RNF126: variants seen among roughly 807,000 people sequenced by gnomAD.
The protein encoded by RNF126 is E3 ubiquitin-protein ligase RNF126.
A neutral mutation model predicts 41.9 loss-of-function variants in RNF126; 20 were observed. The ratio of observed to expected loss-of-function variants is 0.48; its 90% confidence interval spans 0.34 to 0.69. RNF126 has a LOEUF of 0.69. RNF126 is among the 30% of genes least tolerant of loss of function. The pLI, the probability that RNF126 is intolerant of heterozygous loss-of-function variation, is 0.01. For synonymous variants in RNF126, 239 were observed against 202.9 expected (o/e 1.18, Z -1.51); for missense variants, 433 against 460.6 (o/e 0.94, Z 0.55).
Position 651,718 on chromosome 19 carries a change from C to T in RNF126, c.336G>A (p.Arg112=), listed in dbSNP as rs753358594. The part of the protein sequence containing the change: ...ADDGRDPESR[R]ERDHPSRHRY... ...GGTGCCGGGACGGATGGTCTCTCTCCCGCCGGCTCTCAGGGTCCCTGCCGT... is the reference window on the plus strand; with the variant it reads ...GGTGCCGGGACGGATGGTCTCTCTCTCGCCGGCTCTCAGGGTCCCTGCCGT... Residue 112 remains arginine, a synonymous_variant, in exon 4 of 9, where the codon CGG becomes CGA. Coordinates refer to ENST00000292363, the MANE Select transcript of RNF126 (RefSeq NM_194460.3). The T allele has an allele frequency of 6.2e-7, 1 of 1,610,474 alleles. No homozygotes were observed. Among genetic ancestry groups the T allele is most frequent in the Non-Finnish European group, 8.5e-7 (1 of 1,178,926 alleles).
In RNF126 at chr19:660,391, G is replaced by A. The variant is rs542030351; in HGVS notation, c.75+2656C>T. ...TGCCTGGGAGAAGCCCTCGTGGGCA[G>A]GCACACAGCCCATGGCAGCCAGTCC... On this transcript the variant is annotated intron_variant, in intron 1 of 8. Transcript: ENST00000292363. 1.3e-4 allele frequency among the ~76,000 whole-genome samples: 20 copies of A among 152,370 alleles called. No homozygotes were observed. The South Asian group carries it at 2.7e-3, about 20-fold the overall frequency.
intron 1 of RNF126, among the ~76,000 whole-genome samples, chr19:653,598 C>T (rs964406807): frequency 2.6e-5 from 4 of 152,322 alleles, no homozygotes; most frequent in East Asian, 1.9e-4. Flanking sequence ...GCTCACAGGG[C>T]GGACTCCTCA....
At position 651,872 on chromosome 19, in the gene RNF126, G is replaced by A. The variant is rs1293486776; in HGVS notation, c.199-17C>T. 2.3e-5 allele frequency: 37 copies of A among 1,598,432 alleles called. No individual in the cohort carries two copies. The highest frequency in any genetic ancestry group is 3.0e-5 in the Non-Finnish European group (35 of 1,173,128). The stretch of plus-strand genomic sequence containing the variant: ...GTCCACGTGCTGGGGAGAGGAGGGG[G>A]GCGTGACCTCGGGGGCTCAGGCCCG... On this transcript the variant is annotated splice_polypyrimidine_tract_variant and intron_variant, in intron 3 of 8. Coordinates refer to ENST00000292363, the MANE Select transcript of RNF126 (RefSeq NM_194460.3).
intron 1 of RNF126, among the ~76,000 whole-genome samples, chr19:662,331 C>T (rs1041068887): frequency 6.6e-6 from 1 of 152,210 alleles, no homozygotes; most frequent in Non-Finnish European, 1.5e-5. Context: ...GCACTCGGCA[C>T]GCCCAGGCCC....
intron 1 of RNF126, among the ~76,000 whole-genome samples, chr19:662,492 G>C (rs1303555989): frequency 6.6e-6 from 1 of 152,134 alleles, no homozygotes; most frequent in African/African-American, 2.4e-5. Context: ...GGGGCGTTCC[G>C]GGCCTGGGCC....
intron 1 of RNF126, among the ~76,000 whole-genome samples, chr19:662,684 G>C (rs938562241): frequency 6.6e-6 from 1 of 152,104 alleles, no homozygotes; most frequent in South Asian, 2.1e-4. Context: ...CCGGGCCTCA[G>C]TTTCTCCGTT....
chr19:661,097 T>C (rs988918853), intron 1 of RNF126, among the ~76,000 whole-genome samples: 22 of 152,156 alleles, frequency 1.4e-4, no homozygotes, highest in African/African-American at 5.1e-4. Flanking sequence ...CACCACAGAG[T>C]TCCTTTCACT....
intron 1 of RNF126, among the ~76,000 whole-genome samples, chr19:656,911 T>C (rs576235760): frequency 3.9e-5 from 6 of 152,244 alleles, no homozygotes; most frequent in Admixed American, 6.5e-5. Flanking sequence ...GTTGCCGCCG[T>C]CCGCCCGCCA....
Position 651,756 on chromosome 19 carries a change from C to T in RNF126, c.298G>A (p.Ala100Thr), listed in dbSNP as rs752285591. 4.3e-6 allele frequency: 7 copies of T among 1,612,680 alleles called. No homozygotes were observed. The highest frequency in any genetic ancestry group is 1.1e-5 in the South Asian group (1 of 91,084). The change falls in exon 4 of 9, where the codon GCG becomes ACG. Residue 100 changes from alanine (A) to threonine (T), a missense_variant. Physicochemically the swap from Ala to Thr is moderately conservative, Grantham distance 58. Transcript: ENST00000292363. ...SFEIPTFPPG[A>T]QADDGRDPES... ...GGGTCCCTGCCGTCGTCAGCCTGCG[C>T]CCCAGGAGGGAACGTGGGGATCTCG...
chr19:649,149 C>A, intron 6 of RNF126, 174 bp from the exon 7 acceptor site: 1 of 338,008 alleles, frequency 3.0e-6, no homozygotes, highest in African/African-American at 2.1e-5. Context: ...GGCCCCCCCG[C>A]TCCTGGGTCC....
In RNF126 at chr19:651,635, T is replaced by G; in HGVS notation, c.419A>C (p.His140Pro). 6.8e-7 allele frequency: 1 copy of G among 1,476,916 alleles called. No individual in the cohort carries two copies. Among genetic ancestry groups the G allele is most frequent in the Non-Finnish European group, 9.0e-7 (1 of 1,115,954 alleles). 91.5% of individuals were successfully genotyped at this position (1,476,916 alleles called of 1,614,324 possible). A position where few individuals can be genotyped will look rare whatever the true frequency, so the allele number is the denominator to read the frequency against. Reference protein sequence around the residue: ...RLTTRRATGRHEGVPTLEGII... With the variant: ...RLTTRRATGRPEGVPTLEGII... ...CCCTTCCAGCGTGGGGACGCCTTCG[T>G]GCCGGCCGGTGGCCCGCCGCGTGGT... Residue 140 changes from histidine to proline, a missense_variant, in exon 4 of 9, where the codon CAC (histidine) becomes CCC (proline). Physicochemically the swap from His to Pro is moderately conservative, Grantham distance 77. Coordinates refer to ENST00000292363, the MANE Select transcript of RNF126 (RefSeq NM_194460.3).
At chr19:649,389 C>T (rs1038721414) in intron 6 of RNF126, 6 of 466,444 alleles carry the variant, frequency 1.3e-5, no homozygotes, top group African/African-American at 8.0e-5. Context: ...CGCGACCTCT[C>T]GGGAAGAGGG....
intron 7 of RNF126, 39 bp from the exon 8 acceptor site, chr19:648,526 G>A (rs183645794): frequency 6.6e-5 from 99 of 1,493,154 alleles, no homozygotes; most frequent in Non-Finnish European, 8.6e-5. Context: ...CGGGCGTGGG[G>A]GGCCTGCCGA....
At chr19:657,676 C>T (rs1395836736) in intron 1 of RNF126, among the ~76,000 whole-genome samples, 4 of 152,190 alleles carry the variant, frequency 2.6e-5, no homozygotes, top group African/African-American at 7.2e-5. Flanking sequence ...CGGGTGCCAT[C>T]GAGGACGCCA....
chr19:659,533 G>A lies in RNF126; in HGVS notation c.75+3514C>T, dbSNP rs1355377539. On this transcript the variant is annotated intron_variant, in intron 1 of 8. Transcript: ENST00000292363. The surrounding 1 kb of genome is among the most constrained non-coding windows in gnomAD (Gnocchi z 4.9). Reference sequence around the variant, plus strand: ...AGGTCAGGGGCAAGGACGGCACGCAGGGCCACCTCCCTGCGCCCGCCTGGT... The same window carrying A: ...AGGTCAGGGGCAAGGACGGCACGCAAGGCCACCTCCCTGCGCCCGCCTGGT... Among the ~76,000 whole-genome samples the A allele has an allele frequency of 2.0e-5, 3 of 152,138 alleles. No homozygotes were observed. The highest frequency in any genetic ancestry group is 1.3e-4 in the Admixed American group (2 of 15,276).
chr19:648,364 G>GGGGGGGGGGGCCCCCCCCCCCCCCCCCC lies in RNF126; in HGVS notation c.786+7_786+8insGGGGGGGGGGGGGGGGGGCCCCCCCCCC. 1 of 510,498 alleles carries GGGGGGGGGGGCCCCCCCCCCCCCCCCCC rather than the reference G, an allele frequency of 2.0e-6. No individual in the cohort carries two copies. Among genetic ancestry groups the GGGGGGGGGGGCCCCCCCCCCCCCCCCCC allele is most frequent in the Non-Finnish European group, 3.6e-6 (1 of 278,364 alleles). 31.6% of individuals were successfully genotyped at this position (510,498 alleles called of 1,614,324 possible). A position where few individuals can be genotyped will look rare whatever the true frequency, so the allele number is the denominator to read the frequency against. On this transcript the variant is annotated splice_region_variant and intron_variant, in intron 8 of 8. Transcript: ENST00000292363. ...CGGGGTGGGGGGGCGGGTGGGCGGG[G>GGGGGGGGGGGCCCCCCCCCCCCCCCCCC]CACTCACCTGCTCCAGCCAGGGCAC...
rs1205877285 is a variant in RNF126, at chr19:659,194, C to T, written c.75+3853G>A. On this transcript the variant is annotated intron_variant, in intron 1 of 8. Coordinates refer to ENST00000292363, the MANE Select transcript of RNF126 (RefSeq NM_194460.3). The surrounding 1 kb of genome is among the most constrained non-coding windows in gnomAD (Gnocchi z 4.9). ...GCAGACACACAGAGCAAGCAGCGGC[C>T]AGAGACAGACCCAGGCCGTCTTCTG... 2.0e-5 allele frequency among the ~76,000 whole-genome samples: 3 copies of T among 152,164 alleles called. No individual in the cohort carries two copies. Among genetic ancestry groups the T allele is most frequent in the Non-Finnish European group, 4.4e-5 (3 of 68,018 alleles).
At position 652,225 on chromosome 19, in the gene RNF126, C is replaced by T. The variant is rs75659340; in HGVS notation, c.198+8G>A. 9.9e-5 allele frequency: 150 copies of T among 1,518,728 alleles called. 1 individual carries two copies. Among genetic ancestry groups the T allele is most frequent in the African/African-American group, 4.5e-4 (32 of 70,352 alleles). The allele number at this position is 1,518,728 out of a possible 1,614,324, so 94.1% of individuals were successfully genotyped here. A position where few individuals can be genotyped will look rare whatever the true frequency, so the allele number is the denominator to read the frequency against. On this transcript the variant is annotated splice_region_variant and intron_variant, in intron 3 of 8. Coordinates refer to ENST00000292363, the MANE Select transcript of RNF126 (RefSeq NM_194460.3). The stretch of plus-strand genomic sequence containing the variant: ...ACGATCGGGAAGCACGAGGGGCGGG[C>T]GACTCACCTCCAACGGTGGCCGGCT...
chr19:660,337 A>T (rs774901524), intron 1 of RNF126, among the ~76,000 whole-genome samples: 8 of 152,252 alleles, frequency 5.3e-5, no homozygotes, highest in Non-Finnish European at 1.0e-4. Flanking sequence ...AGAGCCCAGG[A>T]CAGCAAAGGA....
Sources: allele counts gnomAD v4.1 joint callset (sites outside exome capture counted in the v4.1 genomes callset), GRCh38; gene constraint gnomAD v4.1.1; non-coding constraint Gnocchi (gnomAD v3.1); transcripts MANE v1.5; gene names NCBI Gene and HGNC (gene_info 2026-07-23, HGNC 2026-07-21).